HEPHL1: variants seen among roughly 807,000 people sequenced by gnomAD.
HEPHL1 encodes hephaestin like 1.
In HEPHL1, 123 loss-of-function variants were observed where a neutral mutation model predicts 122.0. The ratio of observed to expected loss-of-function variants is 1.01; its 90% CI spans 0.87 to 1.17. The LOEUF (loss-of-function observed/expected upper bound fraction) is 1.17, where lower values mean the gene tolerates loss of function less well. Among genes scored for constraint, HEPHL1 ranks in the 50% most tolerant of loss-of-function variants. The pLI, the probability that HEPHL1 is intolerant of heterozygous loss-of-function variation, is 0.00. For missense variants in HEPHL1, 1,452 were observed against 1,430.5 expected, an observed-to-expected ratio of 1.01 and a Z score of -0.24; for synonymous variants, 527 against 508.9, an observed-to-expected ratio of 1.04 and a Z score of -0.48.
chr11:94,104,737 C>G lies in HEPHL1; in HGVS notation c.2892C>G (p.Ser964Arg), dbSNP rs751199344. ...DFKRTDDFEE[S>R]NRMHAINGKI... ...AGCGCACTGATGATTTTGAGGAAAG[C>G]AACAGAATGCATGGTATATCCAAAG... Residue 964 changes from serine (S) to arginine (R), a missense_variant, in exon 16 of 20, where the codon AGC becomes AGG. Coordinates refer to ENST00000315765, the MANE Select transcript of HEPHL1 (RefSeq NM_001098672.2). The G allele has an allele frequency of 5.0e-6, 8 of 1,611,342 alleles. No individual in the cohort carries two copies. The highest frequency in any genetic ancestry group is 6.8e-6 in the Non-Finnish European group (8 of 1,177,586).
At chr11:94,057,817 A>T (rs1288782016) in intron 2 of HEPHL1, among the ~76,000 whole-genome samples, 4 of 151,792 alleles carry the variant, frequency 2.6e-5, no homozygotes, top group Non-Finnish European at 5.9e-5. Flanking sequence ...TATTAATCAC[A>T]CTTGCCTGTT....
chr11:94,094,430 G>T (rs973876781), intron 13 of HEPHL1, among the ~76,000 whole-genome samples: 4 of 152,084 alleles, frequency 2.6e-5, no homozygotes, highest in Non-Finnish European at 4.4e-5. Context: ...CCAAGTCTTT[G>T]CTATTGTGAA....
chr11:94,030,565 A>G (rs1408998868), intron 1 of HEPHL1, among the ~76,000 whole-genome samples: 1 of 152,172 alleles, frequency 6.6e-6, no homozygotes, highest in African/African-American at 2.4e-5. Flanking sequence ...CATTTCAGGC[A>G]TGAATAAAGG....
chr11:94,101,389 C>T, intron 14 of HEPHL1, 54 bp downstream of exon 14: 1 of 1,563,756 alleles, frequency 6.4e-7, no homozygotes, highest in African/African-American at 1.4e-5. Context: ...GGCGTCAACT[C>T]TTTTCTGGTC....
intron 17 of HEPHL1, among the ~76,000 whole-genome samples, chr11:94,108,666 A>G (rs1347476779): frequency 1.3e-5 from 2 of 151,678 alleles, no homozygotes; most frequent in Non-Finnish European, 2.9e-5. Flanking sequence ...TTTTTTTCCC[A>G]CAGAATTGAC....
At chr11:94,092,117 C>A (rs778600163) in intron 12 of HEPHL1, among the ~76,000 whole-genome samples, 1 of 152,178 alleles carries the variant, frequency 6.6e-6, no homozygotes, top group Non-Finnish European at 1.5e-5. Flanking sequence ...GGAACAATTC[C>A]ACCCAACCTA....
At chr11:94,093,992 ATATATATATATATATATAT>A (rs1946285792) in intron 13 of HEPHL1, among the ~76,000 whole-genome samples, 1 of 87,814 alleles carries the variant, frequency 1.1e-5, no homozygotes, top group Non-Finnish European at 2.1e-5. Context: ...ATATATATAT[ATATATATATATATATATAT>A]ATAAAACTTT....
rs1214372843 is a variant in HEPHL1 at position 94,070,527 on chromosome 11, T to G, written c.1217T>G (p.Leu406Arg). 8 of 1,610,108 alleles carry G rather than the reference T, an allele frequency of 5.0e-6. No homozygotes were observed. Among genetic ancestry groups the G allele is most frequent in the Admixed American group, 1.7e-5 (1 of 59,536 alleles). The change falls in exon 6 of 20, where the codon CTA (leucine) becomes CGA (arginine). Residue 406 changes from leucine (L) to arginine (R), a missense_variant. Leu to Arg is a moderately radical substitution (Grantham distance 102, BLOSUM62 -2). Coordinates refer to ENST00000315765, the MANE Select transcript of HEPHL1 (RefSeq NM_001098672.2). ...TATAACAAATTCAGTGGTCTTCCTC[T>G]AAACGCCTCTGGCAGGTAAGCACCC... ...QGYNKFSGLPLNASGSDSDLY... is the reference protein window; with the variant it reads ...QGYNKFSGLPRNASGSDSDLY...
chr11:94,069,349 G>A (rs1946057049), intron 5 of HEPHL1, among the ~76,000 whole-genome samples: 1 of 152,192 alleles, frequency 6.6e-6, no homozygotes, highest in South Asian at 2.1e-4. Flanking sequence ...TCAAACTCCT[G>A]GGCCCAAGCA....
chr11:94,047,272 A>G (rs182386016), intron 2 of HEPHL1, among the ~76,000 whole-genome samples: 63 of 152,306 alleles, frequency 4.1e-4, no homozygotes, highest in Non-Finnish European at 7.1e-4. Flanking sequence ...AACTTGTGTC[A>G]TGGGGATTTG....
chr11:94,093,755 A>G, intron 13 of HEPHL1, 115 bp downstream of exon 13: 1 of 1,169,598 alleles, frequency 8.5e-7, no homozygotes, highest in Non-Finnish European at 1.2e-6. Context: ...GAGTAGCTTG[A>G]CTGCATTCCT....
At chr11:94,063,745 C>G (rs749242877) in intron 3 of HEPHL1, 25 bp downstream of exon 3, 6 of 1,587,738 alleles carry the variant, frequency 3.8e-6, no homozygotes, top group Non-Finnish European at 5.2e-6. Context: ...TTCCAGGTAA[C>G]TAGGGAGTTG....
In HEPHL1 at chr11:94,111,879, C is replaced by A. The variant is rs991294122; in HGVS notation, c.3465C>A (p.Pro1155=). ...DYQQVQSCAL[P]TDAL is the part of the protein sequence containing the mutation. ...AGCAAGTCCAGTCCTGTGCTCTCCC[C>A]ACGGATGCTCTGTGAACCATCTGGT... is the stretch of plus-strand genomic sequence containing the variant. The change falls in exon 20 of 20, where the codon CCC becomes CCA. Residue 1155 remains proline (P), a synonymous_variant. Transcript: ENST00000315765. The A allele has an allele frequency of 1.3e-6, 2 of 1,516,922 alleles. No homozygotes were observed. Among genetic ancestry groups the A allele is most frequent in the Non-Finnish European group, 1.8e-6 (2 of 1,133,834 alleles). 94.0% of individuals were successfully genotyped at this position (1,516,922 alleles called of 1,614,324 possible).
intron 14 of HEPHL1, 99 bp from the exon 15 acceptor site, chr11:94,102,815 C>T (rs570248259): frequency 1.6e-6 from 1 of 640,176 alleles, no homozygotes; most frequent in South Asian, 1.9e-5. Flanking sequence ...CAGCAATAAA[C>T]ATTAATGAAA....
At position 94,067,737 on chromosome 11, in the gene HEPHL1, C is replaced by A. The variant is rs746280308; in HGVS notation, c.1050C>A (p.Ser350Arg). 6.2e-7 allele frequency: 1 copy of A among 1,613,228 alleles called. No individual in the cohort carries two copies. The highest frequency in any genetic ancestry group is 8.5e-7 in the Non-Finnish European group (1 of 1,179,606). The change falls in exon 5 of 20, where the codon AGC becomes AGA. Residue 350 changes from serine to arginine, a missense_variant. Physicochemically the swap from Ser to Arg is moderately radical, Grantham distance 110. Transcript: ENST00000315765. ...PGKWMITCQV[S>R]DHLQAGMLGQ... ...AGTGGATGATAACCTGCCAGGTCAGCGACCACCTACAAGGTAAAAAGGATA... is the reference window on the plus strand; with the variant it reads ...AGTGGATGATAACCTGCCAGGTCAGAGACCACCTACAAGGTAAAAAGGATA...
intron 2 of HEPHL1, 151 bp from the exon 3 acceptor site, chr11:94,063,357 G>A (rs1034964243): frequency 1.5e-6 from 1 of 648,342 alleles, no homozygotes; most frequent in African/African-American, 1.8e-5. Flanking sequence ...CAGAGACATT[G>A]AGAATTTAAG....
At chr11:94,043,122 T>G (rs1006706046) in intron 1 of HEPHL1, among the ~76,000 whole-genome samples, 2 of 152,054 alleles carry the variant, frequency 1.3e-5, no homozygotes, top group African/African-American at 4.8e-5. Flanking sequence ...ATTGAATTCT[T>G]GGAACTGAGT....
At chr11:94,025,675 A>G (rs1945618455) in intron 1 of HEPHL1, among the ~76,000 whole-genome samples, 1 of 152,178 alleles carries the variant, frequency 6.6e-6, no homozygotes, top group Admixed American at 6.6e-5. Context: ...GGCTTTGAGT[A>G]TTCTAAGAAG....
chr11:94,071,556 G>T (rs1946073739), intron 6 of HEPHL1, among the ~76,000 whole-genome samples: 1 of 152,152 alleles, frequency 6.6e-6, no homozygotes, highest in Non-Finnish European at 1.5e-5. Flanking sequence ...AAATAGGAAA[G>T]ATTAAACTAT....
Sources: gnomAD v4.1 joint callset for allele counts (sites outside exome capture counted in the v4.1 genomes callset) on GRCh38, gnomAD v4.1.1 for gene constraint, MANE v1.5 for transcripts, NCBI Gene and HGNC (gene_info 2026-07-23, HGNC 2026-07-21) for gene names.